KIF14: variants seen among roughly 807,000 people sequenced by gnomAD.
The protein encoded by KIF14 is kinesin family member 14.
KIF14 carries 98 observed loss-of-function variants against 176.2 expected under a neutral mutation model. The observed-to-expected ratio is 0.56, with a 90% CI of 0.47 to 0.66. The LOEUF (loss-of-function observed/expected upper bound fraction) is 0.66. Ranked by LOEUF, KIF14 falls within the 30% of genes least tolerant of loss-of-function variation. The pLI is 0.00. For missense variants in KIF14, 1,751 were observed against 1,920.4 expected (o/e 0.91, Z 1.65); for synonymous variants, 566 against 632.2 (o/e 0.90, Z 1.57).
chr1:200,585,396 CTCT>C (rs749597947), intron 19 of KIF14, among the ~76,000 whole-genome samples: 2 of 151,876 alleles, frequency 1.3e-5, no homozygotes, highest in Non-Finnish European at 2.9e-5. Flanking sequence ...GAAAAAAAAT[CTCT>C]TAAGAAAAAA....
Position 200,565,173 on chromosome 1 carries a change from G to A in KIF14, c.3967C>T (p.His1323Tyr), listed in dbSNP as rs768826143. The A allele has an allele frequency of 6.2e-7, 1 of 1,613,818 alleles. No homozygotes were observed. The highest frequency in any genetic ancestry group is 8.5e-7 in the Non-Finnish European group (1 of 1,179,752). ...AFEQLVVLMK[H>Y]WLSDLLPCTN... ...CAAGGCAGTAAATCACTCAGCCAGTGTTTCATTAGCACTACTAGCTGCTCA... is the reference window on the plus strand; with the variant it reads ...CAAGGCAGTAAATCACTCAGCCAGTATTTCATTAGCACTACTAGCTGCTCA... Residue 1323 changes from histidine (H) to tyrosine (Y), a missense_variant, in exon 25 of 30, where the codon CAC becomes TAC. Physicochemically the swap from His to Tyr is moderately conservative, Grantham distance 83. Transcript: ENST00000367350.
At chr1:200,592,269 G>A (rs779655733) in intron 15 of KIF14, 29 bp from the exon 16 acceptor site, 1 of 1,582,958 alleles carries the variant, frequency 6.3e-7, no homozygotes, top group African/African-American at 1.4e-5. Flanking sequence ...TGTACTACTT[G>A]AGGTGAGTCT....
intron 23 of KIF14, 63 bp from the exon 24 acceptor site, chr1:200,565,732 A>T (rs1657413395): frequency 4.7e-6 from 5 of 1,067,258 alleles, no homozygotes; most frequent in African/African-American, 1.6e-5. Flanking sequence ...CTTTTTTAAA[A>T]AAAGGGATCC....
intron 21 of KIF14, among the ~76,000 whole-genome samples, chr1:200,577,456 C>G (rs891804286): frequency 7.9e-5 from 12 of 152,108 alleles, no homozygotes; most frequent in Non-Finnish European, 1.8e-4. Context: ...CCGTGCCCAG[C>G]CCTGCTAACA....
chr1:200,569,766 T>A (rs930756547), intron 23 of KIF14, 145 bp downstream of exon 23: 16 of 466,920 alleles, frequency 3.4e-5, no homozygotes, highest in Non-Finnish European at 5.7e-5. Flanking sequence ...GCGGAAGGGG[T>A]CATTGATCCA....
intron 8 of KIF14, 86 bp downstream of exon 8, chr1:200,605,197 A>G (rs1659812706): frequency 7.7e-7 from 1 of 1,298,156 alleles, no homozygotes. Flanking sequence ...ACTGAATGAG[A>G]TCGGGAACTT....
intron 16 of KIF14, 38 bp downstream of exon 16, chr1:200,592,042 C>T (rs1185721590): frequency 6.5e-7 from 1 of 1,546,008 alleles, no homozygotes; most frequent in South Asian, 1.2e-5. Flanking sequence ...GTAGATCTCT[C>T]TCATACACTT....
At chr1:200,600,240 G>A in intron 12 of KIF14, 116 bp downstream of exon 12, 1 of 1,224,568 alleles carries the variant, frequency 8.2e-7, no homozygotes, top group South Asian at 1.3e-5. Flanking sequence ...TCTGGGAGTG[G>A]GCTGCTCTAT....
At chr1:200,588,908 T>C (rs1368556900) in intron 18 of KIF14, among the ~76,000 whole-genome samples, 3 of 152,238 alleles carry the variant, frequency 2.0e-5, no homozygotes, top group Non-Finnish European at 2.9e-5. Context: ...TCCTTCCTCA[T>C]ATGTGACCTA....
Position 200,607,366 on chromosome 1 carries a change from T to C in KIF14, c.1555-568A>G, listed in dbSNP as rs564472916. Among the ~76,000 whole-genome samples, 3 of 152,242 alleles carry C rather than the reference T, an allele frequency of 2.0e-5. No individual in the cohort carries two copies. In the East Asian group the frequency reaches 5.8e-4, roughly 30 times the overall value. On this transcript the variant is annotated intron_variant, in intron 5 of 29. Transcript: ENST00000367350. The stretch of plus-strand genomic sequence containing the variant: ...GTTGGCTAGGCTGGTCGGGAACTCC[T>C]GACCTCAAGTGATCCGCCCACCTCA...
chr1:200,582,713 G>A (rs1393932742), intron 19 of KIF14, among the ~76,000 whole-genome samples: 1 of 151,920 alleles, frequency 6.6e-6, no homozygotes, highest in African/African-American at 2.4e-5. Context: ...AGTCAGGCGT[G>A]GTAGCGGATG....
rs373543874 is a variant in KIF14, at chr1:200,558,528, T to A, written c.4353+802A>T. ...ATTCAATGAAATGAAGAATATAAAT[T>A]CCTACCTTGAAAAATGATATGAATA... On this transcript the variant is annotated intron_variant, in intron 27 of 29. Coordinates refer to ENST00000367350, the MANE Select transcript of KIF14 (RefSeq NM_014875.3). Among the ~76,000 whole-genome samples the A allele has an allele frequency of 2.0e-4, 31 of 152,260 alleles. 1 individual carries two copies. The South Asian group carries it at 6.2e-3, about 31-fold the overall frequency.
chr1:200,608,130 ATGAATT>A (rs1374592575), intron 5 of KIF14, among the ~76,000 whole-genome samples: 1 of 152,206 alleles, frequency 6.6e-6, no homozygotes, highest in Non-Finnish European at 1.5e-5. Flanking sequence ...TCTACAAGGT[ATGAATT>A]TGCTAAATAA....
rs1428176918 is a variant in KIF14, at chr1:200,554,612, T to C, written c.4429-6A>G. Reference sequence around the variant, plus strand: ...ACTTGCCTTCTGAAACTTTTCTGTATAAATAAAGTTAATATTTAAAATAAT... The same window carrying C: ...ACTTGCCTTCTGAAACTTTTCTGTACAAATAAAGTTAATATTTAAAATAAT... On this transcript the variant is annotated splice_region_variant and splice_polypyrimidine_tract_variant and intron_variant, in intron 28 of 29. Transcript: ENST00000367350. The C allele has an allele frequency of 7.3e-7, 1 of 1,370,644 alleles. No individual in the cohort carries two copies. Among genetic ancestry groups the C allele is most frequent in the Non-Finnish European group, 1.0e-6 (1 of 980,562 alleles). The allele number at this position is 1,370,644 out of a possible 1,614,324, so 84.9% of individuals were successfully genotyped here.
In KIF14 at chr1:200,575,677, G is replaced by A. The variant is rs1370678584; in HGVS notation, c.3480C>T (p.Asn1160=). The change falls in exon 22 of 30, where the codon AAC becomes AAT. Residue 1160 remains asparagine, a synonymous_variant. Coordinates refer to ENST00000367350, the MANE Select transcript of KIF14 (RefSeq NM_014875.3). The part of the protein sequence containing the change: ...MKELYESNGS[N]RGEDAFCDPE... The stretch of plus-strand genomic sequence containing the variant: ...GATCACAAAAGGCATCTTCACCCCT[G>A]TTACTACCATTACTCTAAGAAAAAT... 1 of 1,566,544 alleles carries A rather than the reference G, an allele frequency of 6.4e-7. No individual in the cohort carries two copies. The highest frequency in any genetic ancestry group is 8.7e-7 in the Non-Finnish European group (1 of 1,149,522).
chr1:200,596,242 T>C (rs1390343196), intron 14 of KIF14, among the ~76,000 whole-genome samples: 2 of 152,074 alleles, frequency 1.3e-5, no homozygotes, highest in African/African-American at 4.8e-5. Context: ...AGCAAAACTC[T>C]GAAATCAAAA....
chr1:200,588,297 G>A (rs1259880319), intron 18 of KIF14, among the ~76,000 whole-genome samples: 1 of 150,818 alleles, frequency 6.6e-6, no homozygotes, highest in Non-Finnish European at 1.5e-5. Context: ...CTGGAGTGCA[G>A]TGGCATAATC....
chr1:200,602,153 G>C, intron 10 of KIF14, 85 bp from the exon 11 acceptor site: 2 of 1,054,508 alleles, frequency 1.9e-6, no homozygotes, highest in East Asian at 2.5e-5. Flanking sequence ...AAACTAATAG[G>C]GTATATAATA....
rs1311549238 is a variant in KIF14 at position 200,615,417 on chromosome 1, G to T, written c.1305C>A (p.Ala435=). ...EKLAAPLLER[A]FEGFNTCLFA... ...AAAGACAGGTATTGAAGCCTTCGAA[G>T]GCTCTTTCTAGGAGTGGTGCTGCTA... Residue 435 remains alanine, a synonymous_variant, in exon 3 of 30, where the codon GCC becomes GCA. Coordinates refer to ENST00000367350, the MANE Select transcript of KIF14 (RefSeq NM_014875.3). 2 of 1,614,000 alleles carry T rather than the reference G, an allele frequency of 1.2e-6. No individual in the cohort carries two copies. The highest frequency in any genetic ancestry group is 2.7e-5 in the African/African-American group (2 of 74,936).
Sources: gnomAD v4.1 joint callset for allele counts (sites outside exome capture counted in the v4.1 genomes callset) on GRCh38, gnomAD v4.1.1 for gene constraint, MANE v1.5 for transcripts, NCBI Gene and HGNC (gene_info 2026-07-23, HGNC 2026-07-21) for gene names.